RXRG: variants seen among roughly 807,000 people sequenced by gnomAD.
RXRG encodes the protein retinoid X receptor gamma.
Under a neutral mutation model 49.2 loss-of-function variants are expected in RXRG, and 19 were observed. The observed-to-expected ratio is 0.39, with a 90% CI of 0.27 to 0.57. The LOEUF (loss-of-function observed/expected upper bound fraction) is 0.57, where lower values mean the gene tolerates loss of function less well. Among genes scored for constraint, RXRG ranks in the 20% least tolerant of loss-of-function variants. The probability of loss-of-function intolerance (pLI) is 0.64; values close to 1 mark genes in which losing one functional copy is unlikely to be tolerated. For missense variants in RXRG, 452 were observed against 592.5 expected, an observed-to-expected ratio of 0.76 and a Z score of 2.46; for synonymous variants, 224 against 216.6, an observed-to-expected ratio of 1.03 and a Z score of -0.30.
At position 165,428,878 on chromosome 1, in the gene RXRG, T is replaced by C. The variant is rs113471; in HGVS notation, c.138A>G (p.Thr46=). 256,518 of 1,613,642 alleles carry C rather than the reference T, an allele frequency of 0.16. 22,839 individuals are homozygous for C. Among genetic ancestry groups the C allele is most frequent in the African/African-American group, 0.36 (27,011 of 74,912 alleles). Residue 46 remains threonine, a synonymous_variant, in exon 2 of 10, where the codon ACA becomes ACG. Coordinates refer to ENST00000359842, the MANE Select transcript of RXRG (RefSeq NM_006917.5). Reference sequence around the variant, plus strand: ...TCCGTGGGGCACTCACTGGGGTATCTGTGTAGCTGGGGTGGCTGTCCATTG... The same window carrying C: ...TCCGTGGGGCACTCACTGGGGTATCCGTGTAGCTGGGGTGGCTGTCCATTG... The part of the protein sequence containing the change: ...GKPMDSHPSY[T]DTPVSAPRTL...
rs539695990 is a variant in RXRG at position 165,421,673 on chromosome 1, G to A, written c.298-1659C>T. ...GCCTCCCAAGTAGCTGGGATTAGAG[G>A]AGCATGCCACGACACTTAGCTAACT... On this transcript the variant is annotated intron_variant, in intron 2 of 9. Transcript: ENST00000359842. Among the ~76,000 whole-genome samples, 478 of 152,154 alleles carry A rather than the reference G, an allele frequency of 3.1e-3. 2 individuals carry two copies. Among genetic ancestry groups the A allele is most frequent in the Non-Finnish European group, 4.9e-3 (330 of 68,002 alleles).
intron 8 of RXRG, 55 bp downstream of exon 8, chr1:165,408,172 T>C: frequency 2.2e-6 from 3 of 1,334,094 alleles, no homozygotes; most frequent in South Asian, 2.3e-5. Context: ...GCACTGGAGG[T>C]TGACCGTGGA....
intron 1 of RXRG, among the ~76,000 whole-genome samples, chr1:165,444,586 G>A (rs1023998711): frequency 1.3e-5 from 2 of 152,034 alleles, no homozygotes; most frequent in African/African-American, 4.8e-5. Flanking sequence ...CAAGCATGTT[G>A]GTTTACTCTC....
At chr1:165,415,992 C>G (rs1001422010) in intron 4 of RXRG, among the ~76,000 whole-genome samples, 4 of 152,180 alleles carry the variant, frequency 2.6e-5, no homozygotes, top group Non-Finnish European at 2.9e-5. Flanking sequence ...TTAGGTGACT[C>G]TGTAAGGCCA....
At chr1:165,418,884 G>C (rs1658220068) in intron 3 of RXRG, among the ~76,000 whole-genome samples, 1 of 152,240 alleles carries the variant, frequency 6.6e-6, no homozygotes, top group Admixed American at 6.5e-5. Flanking sequence ...TATTTTTTGA[G>C]AGCAAGAAAA....
chr1:165,438,547 A>G (rs1388552916), intron 1 of RXRG, among the ~76,000 whole-genome samples: 2 of 152,322 alleles, frequency 1.3e-5, no homozygotes, highest in Non-Finnish European at 2.9e-5. Context: ...TTGACAGATA[A>G]CCCAATGATT....
At chr1:165,427,594 C>A (rs974977256) in intron 2 of RXRG, among the ~76,000 whole-genome samples, 3 of 152,170 alleles carry the variant, frequency 2.0e-5, no homozygotes, top group African/African-American at 7.2e-5. Context: ...AGGCACCTGC[C>A]ACCACACCGG....
At chr1:165,433,974 T>A (rs1464985172) in intron 1 of RXRG, among the ~76,000 whole-genome samples, 1 of 152,174 alleles carries the variant, frequency 6.6e-6, no homozygotes, top group East Asian at 1.9e-4. Flanking sequence ...GATGCAGGAC[T>A]GAGGAGGAGA....
intron 1 of RXRG, among the ~76,000 whole-genome samples, chr1:165,431,401 G>A (rs374337715): frequency 2.0e-5 from 3 of 152,182 alleles, no homozygotes; most frequent in African/African-American, 7.2e-5. Flanking sequence ...GAGGCCCTGG[G>A]GGCTGTGACA....
In RXRG at chr1:165,425,434, A is replaced by G. The variant is rs943210851; in HGVS notation, c.297+3285T>C. Reference sequence around the variant, plus strand: ...GCTTATCCCTAAAACCTAGGACAGTATCAATTAGTACCTGATGCATAGCAG... The same window carrying G: ...GCTTATCCCTAAAACCTAGGACAGTGTCAATTAGTACCTGATGCATAGCAG... On this transcript the variant is annotated intron_variant, in intron 2 of 9. Transcript: ENST00000359842. Among the ~76,000 whole-genome samples the G allele has an allele frequency of 3.3e-5, 5 of 152,340 alleles. No homozygotes were observed. In the East Asian group the frequency reaches 9.6e-4, roughly 29 times the overall value.
At chr1:165,434,239 T>C (rs1199465423) in intron 1 of RXRG, among the ~76,000 whole-genome samples, 1 of 151,578 alleles carries the variant, frequency 6.6e-6, no homozygotes, top group Admixed American at 6.6e-5. Flanking sequence ...TCCTGATGTT[T>C]ACCAGAACCA....
chr1:165,433,198 A>G (rs1048457371), intron 1 of RXRG, among the ~76,000 whole-genome samples: 3 of 152,132 alleles, frequency 2.0e-5, no homozygotes, highest in African/African-American at 7.2e-5. Context: ...GGAAGCAGAG[A>G]GTGGACCTCA....
At chr1:165,421,608 C>A (rs1658317933) in intron 2 of RXRG, among the ~76,000 whole-genome samples, 1 of 150,656 alleles carries the variant, frequency 6.6e-6, no homozygotes, top group Non-Finnish European at 1.5e-5. Context: ...CAGCTCACTG[C>A]AAACTTCACC....
intron 1 of RXRG, chr1:165,437,219 C>CCAGT (rs773633661): frequency 2.5e-4 from 338 of 1,367,184 alleles, no homozygotes; most frequent in Non-Finnish European, 3.0e-4. Flanking sequence ...AAGAAGAATG[C>CCAGT]CAGTCAGTCA....
At chr1:165,402,750 A>C (rs569256947) in intron 9 of RXRG, among the ~76,000 whole-genome samples, 1 of 152,078 alleles carries the variant, frequency 6.6e-6, no homozygotes, top group Admixed American at 6.6e-5. Context: ...ACTCATGCAC[A>C]CACACCTTCA....
chr1:165,439,184 T>C (rs1410931301), intron 1 of RXRG, among the ~76,000 whole-genome samples: 1 of 149,594 alleles, frequency 6.7e-6, no homozygotes, highest in Non-Finnish European at 1.5e-5. Flanking sequence ...TAATTATATA[T>C]AATGCTGGTA....
chr1:165,414,377 C>G (rs545660771), intron 4 of RXRG, among the ~76,000 whole-genome samples: 1 of 152,258 alleles, frequency 6.6e-6, no homozygotes, highest in Admixed American at 6.5e-5. Flanking sequence ...TTTTTAAAAA[C>G]ATTTAACGAA....
chr1:165,416,186 T>C (rs1200609015), intron 4 of RXRG, among the ~76,000 whole-genome samples: 1 of 152,216 alleles, frequency 6.6e-6, no homozygotes, highest in Non-Finnish European at 1.5e-5. Flanking sequence ...CTTGTTCTTA[T>C]TTCCTAAAGA....
At chr1:165,410,316 A>G (rs1230875144) in intron 6 of RXRG, among the ~76,000 whole-genome samples, 1 of 152,228 alleles carries the variant, frequency 6.6e-6, no homozygotes, top group African/African-American at 2.4e-5. Context: ...GAGTCTTAAA[A>G]TAGGAAGACA....
Sources: allele counts gnomAD v4.1 joint callset (sites outside exome capture counted in the v4.1 genomes callset), GRCh38; gene constraint gnomAD v4.1.1; transcripts MANE v1.5; gene names NCBI Gene and HGNC (gene_info 2026-07-23, HGNC 2026-07-21).